CES1: variants seen among roughly 807,000 people sequenced by gnomAD.
CES1 encodes the protein liver carboxylesterase 1.
Under a neutral mutation model 53.0 loss-of-function variants are expected in CES1, and 50 were observed. That is an observed-to-expected ratio of 0.94 (90% CI 0.75 to 1.19). CES1 has a LOEUF of 1.19. Ranked by LOEUF, CES1 falls within the 50% of genes most tolerant of loss-of-function variation. CES1 has a pLI of 0.00. For synonymous variants in CES1, 202 were observed against 210.1 expected (o/e 0.96, Z 0.33); for missense variants, 534 against 538.0 (o/e 0.99, Z 0.07).
At chr16:55,809,955 T>G (rs2031615197) in intron 11 of CES1, among the ~76,000 whole-genome samples, 1 of 152,246 alleles carries the variant, frequency 6.6e-6, no homozygotes, top group Admixed American at 6.5e-5. Flanking sequence ...TTCCTGGGCA[T>G]GCCAGCCTGA....
At chr16:55,818,765 G>A (rs2032053528) in intron 7 of CES1, among the ~76,000 whole-genome samples, 3 of 151,878 alleles carry the variant, frequency 2.0e-5, no homozygotes, top group Admixed American at 6.6e-5. Context: ...GATCAATGGA[G>A]GGATGGATGG....
At chr16:55,808,949 G>C (rs1339324787) in intron 11 of CES1, among the ~76,000 whole-genome samples, 6 of 151,964 alleles carry the variant, frequency 3.9e-5, no homozygotes, top group African/African-American at 1.5e-4. Context: ...GGAAATGAGT[G>C]ATACATAGTT....
chr16:55,813,921 A>C (rs1225899234), intron 8 of CES1, among the ~76,000 whole-genome samples: 2 of 152,234 alleles, frequency 1.3e-5, no homozygotes, highest in African/African-American at 4.8e-5. Context: ...CTCAGATGGA[A>C]CATGCCCATC....
chr16:55,824,530 A>C (rs115842085), intron 3 of CES1, among the ~76,000 whole-genome samples: 2,242 of 151,404 alleles, frequency 0.015, 64 homozygotes, highest in South Asian at 0.05. Flanking sequence ...ATGTCCCATT[A>C]TCCAGGTGGG....
chr16:55,828,934 A>G lies in CES1; in HGVS notation c.93T>C (p.His31=). Residue 31 remains histidine, a synonymous_variant, in exon 2 of 14, where the codon CAT becomes CAC. Coordinates refer to ENST00000360526, the MANE Select transcript of CES1 (RefSeq NM_001025195.2). ...TGACGAACTTCCCCAGCACTTTGCC[A>G]TGCACGGTGTCCACCACAGGTGGCG... ...PSSPPVVDTV[H]GKVLGKFVSL... 1 of 1,613,586 alleles carries G rather than the reference A, an allele frequency of 6.2e-7. No homozygotes were observed. Among genetic ancestry groups the G allele is most frequent in the South Asian group, 1.1e-5 (1 of 90,802 alleles).
At chr16:55,824,982 G>T (rs2032360327) in intron 3 of CES1, among the ~76,000 whole-genome samples, 1 of 152,168 alleles carries the variant, frequency 6.6e-6, no homozygotes, top group African/African-American at 2.4e-5. Context: ...GAGGGATTGA[G>T]TGTGCATTCA....
At chr16:55,814,741 C>T (rs1269879255) in intron 8 of CES1, among the ~76,000 whole-genome samples, 3 of 152,228 alleles carry the variant, frequency 2.0e-5, no homozygotes, top group African/African-American at 4.8e-5. Flanking sequence ...CCTTTGAGAC[C>T]CTATGGCTTC....
intron 5 of CES1, 124 bp from the exon 6 acceptor site, chr16:55,820,603 GC>G (rs2032137408): frequency 6.7e-7 from 1 of 1,485,124 alleles, no homozygotes; most frequent in African/African-American, 1.4e-5. Flanking sequence ...CCAGTAGTGG[GC>G]TGACCCTCTG....
At chr16:55,819,318 G>A (rs1456210775) in intron 7 of CES1, among the ~76,000 whole-genome samples, 1 of 152,198 alleles carries the variant, frequency 6.6e-6, no homozygotes, top group African/African-American at 2.4e-5. Context: ...GGTCAGGACT[G>A]GGGATTGTTA....
chr16:55,815,992 G>T (rs1223962578), intron 8 of CES1, among the ~76,000 whole-genome samples: 1 of 152,290 alleles, frequency 6.6e-6, no homozygotes, highest in Non-Finnish European at 1.5e-5. Context: ...CTTCTGTCAG[G>T]GTCTTTGCAG....
intron 7 of CES1, among the ~76,000 whole-genome samples, chr16:55,817,866 T>G (rs1328548637): frequency 7.2e-5 from 11 of 152,208 alleles, no homozygotes; most frequent in African/African-American, 2.7e-4. Flanking sequence ...AAGAATGTTC[T>G]AGGATCTTAG....
intron 7 of CES1, among the ~76,000 whole-genome samples, chr16:55,817,660 G>A (rs2031998151): frequency 6.6e-6 from 1 of 152,066 alleles, no homozygotes; most frequent in Non-Finnish European, 1.5e-5. Context: ...GTGTGTGTGT[G>A]TGTGTGTATG....
chr16:55,809,610 C>A (rs2031598180), intron 11 of CES1, among the ~76,000 whole-genome samples: 3 of 152,186 alleles, frequency 2.0e-5, no homozygotes, highest in African/African-American at 7.2e-5. Context: ...TGCATAGACC[C>A]TGCCCTTGCC....
rs568224734 is a variant in CES1, at chr16:55,810,966, C to T, written c.1131G>A (p.Lys377=). Residue 377 remains lysine (K), a synonymous_variant, in exon 10 of 14, where the codon AAG becomes AAA. Coordinates refer to ENST00000360526, the MANE Select transcript of CES1 (RefSeq NM_001025195.2). ...YPLSEGQLDQ[K]TAMSLLWKSY... Reference sequence around the variant, plus strand: ...ACTTCCACAGGAGTGACATGGCTGTCTTCTGGTCCAGTTGCCCTTCGGAGA... The same window carrying T: ...ACTTCCACAGGAGTGACATGGCTGTTTTCTGGTCCAGTTGCCCTTCGGAGA... 1.1e-5 allele frequency: 18 copies of T among 1,613,408 alleles called. No homozygotes were observed. The Admixed American group carries it at 1.2e-4, about 10-fold the overall frequency.
rs121912777 is a variant in CES1 at position 55,823,661 on chromosome 16, C to T, written c.428G>A (p.Gly143Glu). Residue 143 changes from glycine to glutamate, a missense_variant, in exon 4 of 14, where the codon GGG becomes GAG. Transcript: ENST00000360526. ...TGATGCCGCACCCACCATCAGCCCC[C>T]CTCCGTGGATCCACACCATCACCTG... ...RLPVMVWIHG[G>E]GLMVGAASTY... The T allele has an allele frequency of 1.9e-6, 3 of 1,613,886 alleles. No homozygotes were observed. The highest frequency in any genetic ancestry group is 2.2e-5 in the East Asian group (1 of 44,886).
In CES1 at chr16:55,820,456, G is replaced by A. The variant is rs17850910; in HGVS notation, c.717C>T (p.Asn239=). Residue 239 remains asparagine, a synonymous_variant, in exon 6 of 14, where the codon AAC becomes AAT. Transcript: ENST00000360526. ...SVLVLSPLAK[N]LFHRAISESG... is the part of the protein sequence containing the mutation. ...TCTCAGAAATGGCCCGGTGGAAGAG[G>A]TTCTTGGCCAATGGAGACAAAACCT... 6.8e-3 allele frequency: 10,716 copies of A among 1,585,316 alleles called. 5 individuals carry two copies. Among genetic ancestry groups the A allele is most frequent in the Admixed American group, 7.4e-3 (423 of 57,000 alleles).
rs374939725 is a variant in CES1, at chr16:55,815,437, G to A, written c.945+1487C>T. Among the ~76,000 whole-genome samples, 109 of 152,326 alleles carry A rather than the reference G, an allele frequency of 7.2e-4. 1 individual carries two copies. Among genetic ancestry groups the A allele is most frequent in the African/African-American group, 2.5e-3 (104 of 41,556 alleles). ...GAGGCTAAAAGTTGAGGCAAGAGAC[G>A]GGAGCACCTCAGTTGGGTGACAGCC... is the stretch of plus-strand genomic sequence containing the variant. On this transcript the variant is annotated intron_variant, in intron 8 of 13. Coordinates refer to ENST00000360526, the MANE Select transcript of CES1 (RefSeq NM_001025195.2).
chr16:55,824,825 GTC>G (rs2032354015), intron 3 of CES1, among the ~76,000 whole-genome samples: 1 of 152,200 alleles, frequency 6.6e-6, no homozygotes, highest in East Asian at 1.9e-4. Context: ...AAACTCCCAA[GTC>G]TCTCAGCTAG....
At chr16:55,832,874 A>C in intron 1 of CES1, 130 bp downstream of exon 1, 1 of 896,604 alleles carries the variant, frequency 1.1e-6, no homozygotes, top group Non-Finnish European at 1.9e-6. Context: ...TCCAAGTCCT[A>C]ATATGGAAGT....
Sources: allele counts gnomAD v4.1 joint callset (sites outside exome capture counted in the v4.1 genomes callset), GRCh38; gene constraint gnomAD v4.1.1; transcripts MANE v1.5; gene names NCBI Gene and HGNC (gene_info 2026-07-23, HGNC 2026-07-21).